The following ARRDC2 variants were observed in gnomAD, a reference collection of about 807,000 sequenced individuals.
The protein encoded by ARRDC2 is arrestin domain-containing protein 2.
A neutral mutation model predicts 38.9 loss-of-function variants in ARRDC2; 39 were observed. The observed-to-expected ratio is 1.00, with a 90% CI of 0.78 to 1.31. ARRDC2 has a LOEUF of 1.31. Ranked by LOEUF, ARRDC2 falls within the 50% of genes most tolerant of loss-of-function variation. ARRDC2 has a pLI of 0.00. For missense variants in ARRDC2, 553 were observed against 588.4 expected (o/e 0.94, Z 0.62); for synonymous variants, 300 against 261.9 (o/e 1.15, Z -1.41).
intron 5 of ARRDC2, 44 bp from the exon 6 acceptor site, chr19:18,010,152 G>C: frequency 1.2e-6 from 2 of 1,607,096 alleles, no homozygotes; most frequent in South Asian, 2.2e-5. Context: ...GGTGGGGGTT[G>C]GGGAGGCTGC....
At chr19:18,008,012 G>A (rs1419545251), upstream of ARRDC2, among the ~76,000 whole-genome samples, 1 of 152,254 alleles carries the variant, frequency 6.6e-6, no homozygotes, top group East Asian at 1.9e-4. Flanking sequence ...GGGGCAGCCG[G>A]CGGTGAGCAG....
intron 1 of ARRDC2, among the ~76,000 whole-genome samples, chr19:18,003,102 A>G (rs545975855): frequency 6.6e-6 from 1 of 151,838 alleles, no homozygotes; most frequent in Non-Finnish European, 1.5e-5. Context: ...TCCGTCTCAA[A>G]AACAAAAACA....
Position 18,008,715 on chromosome 19 carries a change from C to G in ARRDC2, c.279C>G (p.Thr93=), listed in dbSNP as rs376849193. The stretch of plus-strand genomic sequence containing the variant: ...TCCTTTTTCTCCTACCTGCAGATAC[C>G]GGGGAGACCACGACGCTGCCTCCTG... ...SHRATLLAPD[T]GETTTLPPGR... The change falls in exon 2 of 8, where the codon ACC becomes ACG. Residue 93 remains threonine, a synonymous_variant. Coordinates refer to ENST00000222250, the MANE Select transcript of ARRDC2 (RefSeq NM_015683.2). The G allele has an allele frequency of 1.2e-6, 2 of 1,613,174 alleles. No individual in the cohort carries two copies. The highest frequency in any genetic ancestry group is 1.1e-5 in the South Asian group (1 of 91,086).
At chr19:18,005,008 T>TA (rs201334948), upstream of ARRDC2, among the ~76,000 whole-genome samples, 3,724 of 145,480 alleles carry the variant, frequency 0.026, 89 homozygotes, top group East Asian at 0.13. Context: ...AAAGCAAATT[T>TA]AAAAAAAATT....
chr19:18,003,617 C>T (rs1001521429), upstream of ARRDC2, among the ~76,000 whole-genome samples: 8 of 150,266 alleles, frequency 5.3e-5, no homozygotes, highest in South Asian at 4.2e-4. Flanking sequence ...CCCGCCAACA[C>T]GCTGGCTAAT....
At chr19:18,012,630 C>T (rs2033436233) in intron 7 of ARRDC2, among the ~76,000 whole-genome samples, 1 of 152,104 alleles carries the variant, frequency 6.6e-6, no homozygotes, top group Non-Finnish European at 1.5e-5. Flanking sequence ...GGAGGATGGG[C>T]TTAGATTATC....
chr19:18,010,793 C>A, intron 7 of ARRDC2, 64 bp downstream of exon 7: 2 of 1,542,552 alleles, frequency 1.3e-6, no homozygotes, highest in South Asian at 1.1e-5. Flanking sequence ...GATGGGGTGG[C>A]AGACATAGTA....
At chr19:18,008,035 T>C (rs1231978091), upstream of ARRDC2, 12 of 905,774 alleles carry the variant, frequency 1.3e-5, no homozygotes, top group Non-Finnish European at 1.8e-5. Context: ...GCGTTTGTTA[T>C]TTTGCTCCAC....
upstream of ARRDC2, among the ~76,000 whole-genome samples, chr19:18,006,079 A>C (rs1368474727): frequency 7.3e-6 from 1 of 137,770 alleles, no homozygotes; most frequent in Non-Finnish European, 1.6e-5. Context: ...GGCGGCCGGG[A>C]AGAGGCGCTC....
chr19:18,008,966 C>G lies in ARRDC2; in HGVS notation c.342-5C>G, dbSNP rs943728105. On this transcript the variant is annotated splice_polypyrimidine_tract_variant and splice_region_variant and intron_variant, in intron 2 of 7. Transcript: ENST00000222250. ...GTCCCCTGAAGTCCCGTCCCTCCACCCTAGGACCCTGGTGACATCCTTCGA... is the reference window on the plus strand; with the variant it reads ...GTCCCCTGAAGTCCCGTCCCTCCACGCTAGGACCCTGGTGACATCCTTCGA... 7 of 1,613,412 alleles carry G rather than the reference C, an allele frequency of 4.3e-6. No homozygotes were observed. Among genetic ancestry groups the G allele is most frequent in the Non-Finnish European group, 5.9e-6 (7 of 1,179,924 alleles).
At chr19:18,011,934 G>GTGTGTATA (rs944958651) in intron 7 of ARRDC2, among the ~76,000 whole-genome samples, 54 of 68,394 alleles carry the variant, frequency 7.9e-4, no homozygotes, top group East Asian at 3.1e-3. Context: ...GTGTATATGT[G>GTGTGTATA]TATATATATA....
At position 18,008,710 on chromosome 19, in the gene ARRDC2, GAT is replaced by G. The variant is rs2033337152; in HGVS notation, c.276_277del (p.Thr93ArgfsTer12). 1 of 1,613,094 alleles carries G rather than the reference GAT, an allele frequency of 6.2e-7. No homozygotes were observed. The highest frequency in any genetic ancestry group is 8.5e-7 in the Non-Finnish European group (1 of 1,179,996). On this transcript the variant is annotated frameshift_variant and splice_region_variant, in exon 2 of 8. Coordinates refer to ENST00000222250, the MANE Select transcript of ARRDC2 (RefSeq NM_015683.2). LOFTEE classifies it high-confidence loss of function. ...VSHRATLLAP[D>X]TGETTTLPPG... ...TCGCCTCCTTTTTCTCCTACCTGCA[GAT>G]ACCGGGGAGACCACGACGCTGCCTC...
At chr19:18,005,751 C>G (rs923211251), upstream of ARRDC2, among the ~76,000 whole-genome samples, 1 of 151,422 alleles carries the variant, frequency 6.6e-6, no homozygotes, top group East Asian at 2.0e-4. Flanking sequence ...GACGGGGCGA[C>G]TGGCTTGGCG....
chr19:18,005,947 C>T (rs951779452), upstream of ARRDC2, among the ~76,000 whole-genome samples: 3 of 149,448 alleles, frequency 2.0e-5, no homozygotes, highest in South Asian at 2.1e-4. Flanking sequence ...ACCTCCCAGA[C>T]GGGGTCGCGG....
At position 18,010,059 on chromosome 19, in the gene ARRDC2, C is replaced by T; in HGVS notation, c.849+20C>T. On this transcript the variant is annotated intron_variant, in intron 5 of 7. Transcript: ENST00000222250. ...CTCAAGGTAGGGCATCCTGCTGGCC[C>T]TGGGGGACAGTGCCTACATTCACCC... The T allele has an allele frequency of 6.2e-7, 1 of 1,604,098 alleles. No homozygotes were observed. Among genetic ancestry groups the T allele is most frequent in the Non-Finnish European group, 8.5e-7 (1 of 1,179,114 alleles).
upstream of ARRDC2, among the ~76,000 whole-genome samples, chr19:18,006,633 G>GGGGAGAGGGAGA (rs147340744): frequency 1.3e-5 from 2 of 151,888 alleles, no homozygotes; most frequent in African/African-American, 4.9e-5. Context: ...GGGAGACCAA[G>GGGGAGAGGGAGA]GGGAGAGGGA....
Position 18,001,359 on chromosome 19 carries a change from G to A in ARRDC2, c.45G>A (p.Arg15=), listed in dbSNP as rs773758635. Residue 15 remains arginine (R), a synonymous_variant, in exon 1 of 8, where the codon CGG becomes CGA. Transcript: ENST00000379656. ...GCAGCTTCGCGCTGGAGCTGGCGCGGGGCCCGGGCGGCGCCTACCGCGGCG... is the reference window on the plus strand; with the variant it reads ...GCAGCTTCGCGCTGGAGCTGGCGCGAGGCCCGGGCGGCGCCTACCGCGGCG... 4.5e-5 allele frequency: 54 copies of A among 1,197,302 alleles called. No homozygotes were observed. In the African/African-American group the frequency reaches 7.1e-4, roughly 16 times the overall value. The allele number at this position is 1,197,302 out of a possible 1,614,324, so 74.2% of individuals were successfully genotyped here.
upstream of ARRDC2, among the ~76,000 whole-genome samples, chr19:18,005,404 A>C (rs540222296): frequency 1.3e-3 from 197 of 152,244 alleles, 3 homozygotes; most frequent in South Asian, 0.027. Flanking sequence ...CTACACAGAC[A>C]CGGCAACCAT....
chr19:18,012,807 C>T, intron 7 of ARRDC2, 106 bp from the exon 8 acceptor site: 3 of 1,205,194 alleles, frequency 2.5e-6, no homozygotes, highest in Non-Finnish European at 3.6e-6. Context: ...CTGATGGCCT[C>T]ATCCCTGGTC....
Sources: gnomAD v4.1 joint callset for allele counts (sites outside exome capture counted in the v4.1 genomes callset) on GRCh38, gnomAD v4.1.1 for gene constraint, MANE v1.5 for transcripts, NCBI Gene and HGNC (gene_info 2026-07-23, HGNC 2026-07-21) for gene names.